Variants in CA10 observed in about 807,000 individuals in gnomAD.
CA10 encodes carbonic anhydrase 10 (inactive).
In CA10, 14 loss-of-function variants were observed where a neutral mutation model predicts 44.2. The ratio of observed to expected loss-of-function variants is 0.32; its 90% CI spans 0.21 to 0.50. The LOEUF is 0.50. Among genes scored for constraint, CA10 ranks in the 20% least tolerant of loss-of-function variants. The pLI is 0.99. For missense variants in CA10, 350 were observed against 409.7 expected, an observed-to-expected ratio of 0.85 and a Z score of 1.26; for synonymous variants, 159 against 141.6, an observed-to-expected ratio of 1.12 and a Z score of -0.87.
At chr17:51,852,664 G>A (rs28576493) in intron 3 of CA10, among the ~76,000 whole-genome samples, 30,979 of 152,050 alleles carry the variant, frequency 0.2, 5,715 homozygotes, top group African/African-American at 0.5. Context: ...TAAATTCTAG[G>A]TCTGCCTCTT....
intron 2 of CA10, among the ~76,000 whole-genome samples, chr17:51,951,798 C>T (rs1161623356): frequency 6.6e-6 from 1 of 152,136 alleles, no homozygotes; most frequent in Admixed American, 6.6e-5. Flanking sequence ...TTCAAGACAA[C>T]CTCGTGGAAC....
chr17:52,089,032 G>C (rs1162175222), intron 1 of CA10, among the ~76,000 whole-genome samples: 13 of 152,212 alleles, frequency 8.5e-5, no homozygotes, highest in African/African-American at 3.1e-4. Flanking sequence ...ATGCTCCACA[G>C]TGCTACAATT....
intron 3 of CA10, among the ~76,000 whole-genome samples, chr17:51,903,364 C>T (rs1046134685): frequency 6.6e-6 from 1 of 152,128 alleles, no homozygotes; most frequent in Non-Finnish European, 1.5e-5. Context: ...ATCTGATAGG[C>T]TATTTCTTAC....
intron 2 of CA10, among the ~76,000 whole-genome samples, chr17:51,952,652 A>G (rs983417385): frequency 1.3e-5 from 2 of 152,182 alleles, no homozygotes; most frequent in Non-Finnish European, 2.9e-5. Context: ...AGGTCTTAAG[A>G]AAATACTAAG....
chr17:51,798,688 C>G (rs111344964), intron 3 of CA10, among the ~76,000 whole-genome samples: 4,373 of 152,158 alleles, frequency 0.029, 120 homozygotes, highest in South Asian at 0.043. Context: ...GTGGGAAGCA[C>G]AAGTATGGCC....
At chr17:52,108,653 T>G (rs1041658869) in intron 1 of CA10, among the ~76,000 whole-genome samples, 2 of 141,742 alleles carry the variant, frequency 1.4e-5, no homozygotes, top group African/African-American at 5.3e-5. Flanking sequence ...TGAGCAAAGA[T>G]TGAGCCATTG....
At chr17:51,636,097 T>C in intron 6 of CA10, 88 bp from the exon 7 acceptor site, 4 of 664,188 alleles carry the variant, frequency 6.0e-6, no homozygotes. Context: ...TACATATACA[T>C]ATACATATAC....
intron 4 of CA10, among the ~76,000 whole-genome samples, chr17:51,708,401 G>C (rs962752842): frequency 2.6e-5 from 4 of 152,162 alleles, no homozygotes; most frequent in Admixed American, 2.0e-4. Context: ...AAATAAATTT[G>C]TTGTTGTTTA....
intron 2 of CA10, among the ~76,000 whole-genome samples, chr17:51,993,747 G>A (rs553853970): frequency 6.6e-6 from 1 of 152,072 alleles, no homozygotes; most frequent in East Asian, 1.9e-4. Flanking sequence ...ATGTAATCTG[G>A]AGTTGAGGAA....
chr17:51,917,431 C>A (rs12601939), intron 3 of CA10, among the ~76,000 whole-genome samples: 27,241 of 122,618 alleles, frequency 0.22, 3,275 homozygotes, highest in East Asian at 0.57. Flanking sequence ...TTAGGAGGTC[C>A]CTGTGTATGT....
intron 4 of CA10, among the ~76,000 whole-genome samples, chr17:51,729,344 T>C (rs555028536): frequency 6.6e-6 from 1 of 151,768 alleles, no homozygotes; most frequent in Non-Finnish European, 1.5e-5. Context: ...CTTTTTTGTG[T>C]GTGTGTGTGT....
intron 3 of CA10, among the ~76,000 whole-genome samples, chr17:51,809,722 G>A (rs577192257): frequency 4.2e-4 from 64 of 152,130 alleles, no homozygotes; most frequent in Non-Finnish European, 7.4e-4. Context: ...TGGACATATC[G>A]GGGAAGATAT....
At chr17:51,730,207 A>G (rs1036449488) in intron 4 of CA10, among the ~76,000 whole-genome samples, 1 of 152,256 alleles carries the variant, frequency 6.6e-6, no homozygotes, top group African/African-American at 2.4e-5. Context: ...ATTACTCATA[A>G]TTGAACCTAG....
intron 3 of CA10, among the ~76,000 whole-genome samples, chr17:51,795,970 A>T (rs1906687990): frequency 6.6e-6 from 1 of 152,262 alleles, no homozygotes; most frequent in South Asian, 2.1e-4. Flanking sequence ...CACAGAAAGC[A>T]GAGCTATTGA....
At chr17:51,951,495 A>G (rs1373040315) in intron 2 of CA10, among the ~76,000 whole-genome samples, 1 of 152,168 alleles carries the variant, frequency 6.6e-6, no homozygotes, top group Admixed American at 6.5e-5. Flanking sequence ...AGTTGCCCAA[A>G]TCAGACTTAA....
At chr17:51,866,466 C>T (rs546116719) in intron 3 of CA10, among the ~76,000 whole-genome samples, 1 of 152,292 alleles carries the variant, frequency 6.6e-6, no homozygotes, top group East Asian at 1.9e-4. Context: ...ATCAGTGTTT[C>T]CCCAAAAGCA....
At chr17:51,958,298 C>G (rs114274702) in intron 2 of CA10, among the ~76,000 whole-genome samples, 1 of 150,180 alleles carries the variant, frequency 6.7e-6, no homozygotes, top group Non-Finnish European at 1.5e-5. Context: ...ATTCCCTTGG[C>G]TCTACCAAGA....
At chr17:51,775,768 A>G (rs1166072099) in intron 3 of CA10, among the ~76,000 whole-genome samples, 1 of 152,166 alleles carries the variant, frequency 6.6e-6, no homozygotes, top group Non-Finnish European at 1.5e-5. Context: ...TTCTCTGAGC[A>G]AGTAATATTT....
chr17:51,704,397 C>G (rs985201229), intron 4 of CA10, among the ~76,000 whole-genome samples: 8 of 152,182 alleles, frequency 5.3e-5, no homozygotes, highest in African/African-American at 1.9e-4. Flanking sequence ...TGAGAGTTGA[C>G]TTTGTAATTT....
Sources: allele counts gnomAD v4.1 joint callset (sites outside exome capture counted in the v4.1 genomes callset), GRCh38; gene constraint gnomAD v4.1.1; transcripts MANE v1.5; gene names NCBI Gene and HGNC (gene_info 2026-07-23, HGNC 2026-07-21).